The following RBMS3 variants were observed in gnomAD, a reference collection of about 807,000 sequenced individuals.
RBMS3 encodes the protein RNA-binding motif, single-stranded-interacting protein 3.
Under a neutral mutation model 66.8 loss-of-function variants are expected in RBMS3, and 27 were observed. The observed-to-expected ratio is 0.40, with a 90% CI of 0.30 to 0.56. The LOEUF (loss-of-function observed/expected upper bound fraction) is 0.56, where lower values mean the gene tolerates loss of function less well. Among genes scored for constraint, RBMS3 ranks in the 20% least tolerant of loss-of-function variants. The pLI, the probability that RBMS3 is intolerant of heterozygous loss-of-function variation, is 0.40. For missense variants in RBMS3, 513 were observed against 549.5 expected, an observed-to-expected ratio of 0.93 and a Z score of 0.66; for synonymous variants, 188 against 183.0, an observed-to-expected ratio of 1.03 and a Z score of -0.22.
At chr3:29,827,165 C>A (rs1318924537) in intron 6 of RBMS3, among the ~76,000 whole-genome samples, 5 of 152,100 alleles carry the variant, frequency 3.3e-5, no homozygotes, top group Non-Finnish European at 7.4e-5. Context: ...ACCTAGCTAT[C>A]CTTTTTGAAT....
rs74551343 is a variant in RBMS3 at position 29,831,105 on chromosome 3, T to C, written c.638-37753T>C. Among the ~76,000 whole-genome samples, 333 of 152,298 alleles carry C rather than the reference T, an allele frequency of 2.2e-3. 1 individual carries two copies. The highest frequency in any genetic ancestry group is 7.1e-3 in the African/African-American group (297 of 41,584). On this transcript the variant is annotated intron_variant, in intron 6 of 14. Transcript: ENST00000383767. The stretch of plus-strand genomic sequence containing the variant: ...AAATAACAGATCTTCTTTGAGAACT[T>C]TTGACTGCCTGAAACTTTACTCAGG...
At chr3:29,825,291 C>A (rs1379192898) in intron 6 of RBMS3, among the ~76,000 whole-genome samples, 1 of 152,090 alleles carries the variant, frequency 6.6e-6, no homozygotes, top group East Asian at 1.9e-4. Flanking sequence ...CCTGCCTCAT[C>A]CTCCCAATGT....
At chr3:29,870,904 C>A (rs1337386340) in intron 7 of RBMS3, among the ~76,000 whole-genome samples, 1 of 151,960 alleles carries the variant, frequency 6.6e-6, no homozygotes, top group Non-Finnish European at 1.5e-5. Flanking sequence ...TAGAAATATG[C>A]TTATCAAATT....
chr3:29,607,689 A>G (rs2048358951), intron 4 of RBMS3, among the ~76,000 whole-genome samples: 1 of 152,016 alleles, frequency 6.6e-6, no homozygotes, highest in African/African-American at 2.4e-5. Context: ...AAATTTAAAC[A>G]TTTTACATTT....
At chr3:29,398,580 G>GA (rs1165105818) in intron 1 of RBMS3, among the ~76,000 whole-genome samples, 1 of 152,162 alleles carries the variant, frequency 6.6e-6, no homozygotes, top group African/African-American at 2.4e-5. Flanking sequence ...GAGATGAAAA[G>GA]ATCTTTCTCA....
intron 3 of RBMS3, among the ~76,000 whole-genome samples, chr3:29,517,145 C>T (rs1218717007): frequency 1.3e-5 from 2 of 151,800 alleles, no homozygotes; most frequent in Non-Finnish European, 2.9e-5. Context: ...CCCAGGAAGT[C>T]AAGGCTGCAG....
intron 1 of RBMS3, among the ~76,000 whole-genome samples, chr3:29,384,485 CAT>C (rs1475324806): frequency 7.1e-6 from 1 of 140,156 alleles, no homozygotes; most frequent in African/African-American, 2.7e-5. Context: ...AGACTCCAGA[CAT>C]AGGAAATAAC....
At chr3:29,930,278 A>T (rs562108067) in intron 10 of RBMS3, among the ~76,000 whole-genome samples, 2 of 149,642 alleles carry the variant, frequency 1.3e-5, no homozygotes, top group African/African-American at 4.9e-5. Flanking sequence ...CGCCTGGCTA[A>T]TTTTTTCTAT....
At chr3:29,752,300 T>C (rs80076660) in intron 5 of RBMS3, among the ~76,000 whole-genome samples, 14,186 of 152,052 alleles carry the variant, frequency 0.093, 1,303 homozygotes, top group African/African-American at 0.24. Context: ...CTTTTCTCCT[T>C]CCCTGCCAGT....
chr3:29,925,049 G>A (rs1036587491), intron 10 of RBMS3: 1 of 152,142 alleles, frequency 6.6e-6, no homozygotes, highest in Admixed American at 6.5e-5. Flanking sequence ...CATTCAGAGC[G>A]GGACATAGTA....
At chr3:29,965,936 T>A (rs1420904102) in intron 12 of RBMS3, among the ~76,000 whole-genome samples, 2 of 152,214 alleles carry the variant, frequency 1.3e-5, no homozygotes, top group Admixed American at 6.5e-5. Flanking sequence ...AGTTTCATTC[T>A]CCTACATGTG....
At chr3:29,517,354 G>A (rs1447463600) in intron 3 of RBMS3, among the ~76,000 whole-genome samples, 7 of 136,888 alleles carry the variant, frequency 5.1e-5, no homozygotes, top group African/African-American at 8.2e-5. Flanking sequence ...ACAGAGTCTC[G>A]CTCTGTTGCC....
intron 1 of RBMS3, among the ~76,000 whole-genome samples, chr3:29,434,316 G>T (rs2041315955): frequency 6.6e-6 from 1 of 152,186 alleles, no homozygotes; most frequent in Non-Finnish European, 1.5e-5. Context: ...AGTTTCTTTG[G>T]AGAAAAGGAG....
intron 1 of RBMS3, among the ~76,000 whole-genome samples, chr3:29,421,100 G>C (rs958729337): frequency 6.6e-6 from 1 of 150,992 alleles, no homozygotes; most frequent in Admixed American, 6.6e-5. Flanking sequence ...GCAACAGAGC[G>C]AGAGTCTGTC....
chr3:29,711,586 A>G (rs2053171809), intron 4 of RBMS3, among the ~76,000 whole-genome samples: 1 of 152,164 alleles, frequency 6.6e-6, no homozygotes, highest in Non-Finnish European at 1.5e-5. Context: ...AAACAGATGC[A>G]GAAACTTCAG....
At chr3:29,446,239 A>T (rs899015025) in intron 2 of RBMS3, among the ~76,000 whole-genome samples, 10 of 152,284 alleles carry the variant, frequency 6.6e-5, no homozygotes, top group African/African-American at 2.4e-4. Context: ...TAATAGTTCC[A>T]GGTACATGTT....
chr3:29,966,903 G>A (rs778356640), intron 12 of RBMS3, among the ~76,000 whole-genome samples: 1 of 152,158 alleles, frequency 6.6e-6, no homozygotes, highest in Admixed American at 6.6e-5. Flanking sequence ...AATCATAAAG[G>A]GATGCTGGAT....
intron 1 of RBMS3, among the ~76,000 whole-genome samples, chr3:29,302,609 G>A (rs1393266765): frequency 6.6e-6 from 1 of 152,018 alleles, no homozygotes; most frequent in Admixed American, 6.6e-5. Flanking sequence ...CCAGGTATAT[G>A]TAAATATCTA....
At chr3:29,652,868 T>G (rs1312116834) in intron 4 of RBMS3, among the ~76,000 whole-genome samples, 3 of 152,150 alleles carry the variant, frequency 2.0e-5, no homozygotes, top group Non-Finnish European at 4.4e-5. Flanking sequence ...AAGGCTGACC[T>G]CTGAAGTTCA....
Sources: gnomAD v4.1 joint callset for allele counts (sites outside exome capture counted in the v4.1 genomes callset) on GRCh38, gnomAD v4.1.1 for gene constraint, MANE v1.5 for transcripts, NCBI Gene and HGNC (gene_info 2026-07-23, HGNC 2026-07-21) for gene names.